Variants in FGF20 observed in about 807,000 individuals in gnomAD.
FGF20 encodes fibroblast growth factor 20.
FGF20 carries 8 observed loss-of-function variants against 16.7 expected under a neutral mutation model. The observed-to-expected ratio is 0.48, with a 90% CI of 0.28 to 0.87. The LOEUF is 0.87. Ranked by LOEUF, FGF20 falls within the 40% of genes least tolerant of loss-of-function variation. FGF20 has a pLI of 0.10. For synonymous variants in FGF20, 161 were observed against 118.6 expected (o/e 1.36, Z -2.32); for missense variants, 397 against 281.4 (o/e 1.41, Z -2.94).
intron 1 of FGF20, among the ~76,000 whole-genome samples, chr8:17,000,871 T>A (rs150343802): frequency 6.6e-6 from 1 of 152,014 alleles, no homozygotes; most frequent in East Asian, 1.9e-4. Context: ...CTGCCGGAGG[T>A]ATTCTGAAAC....
chr8:17,001,837 G>A lies in FGF20; in HGVS notation c.196C>T (p.Arg66Cys), dbSNP rs926128321. 2.7e-5 allele frequency: 41 copies of A among 1,522,050 alleles called. No individual in the cohort carries two copies. Among genetic ancestry groups the A allele is most frequent in the Non-Finnish European group, 3.3e-5 (38 of 1,138,592 alleles). 94.3% of individuals were successfully genotyped at this position (1,522,050 alleles called of 1,614,324 possible). A position where few individuals can be genotyped will look rare whatever the true frequency, so the allele number is the denominator to read the frequency against. Residue 66 changes from arginine to cysteine, a missense_variant, in exon 1 of 3, where the codon CGC becomes TGC. Coordinates refer to ENST00000180166, the MANE Select transcript of FGF20 (RefSeq NM_019851.3). Reference sequence around the variant, plus strand: ...CCGGTGCGGCAATAGAGCTGCCGGCGGCGCAGGATGCCGTGCAGGTGCGCC... The same window carrying A: ...CCGGTGCGGCAATAGAGCTGCCGGCAGCGCAGGATGCCGTGCAGGTGCGCC... ...QLAHLHGILRRRQLYCRTGFH... is the reference protein window; with the variant it reads ...QLAHLHGILRCRQLYCRTGFH...
intron 1 of FGF20, among the ~76,000 whole-genome samples, chr8:16,999,043 A>G (rs953932669): frequency 4.2e-4 from 64 of 152,326 alleles, no homozygotes; most frequent in African/African-American, 1.5e-3. Flanking sequence ...ACAGAAGCAC[A>G]TAATGTTATA....
At position 17,002,145 on chromosome 8, in the gene FGF20, G is replaced by T. The variant is rs762437466; in HGVS notation, c.-113C>A. On this transcript the variant is annotated 5_prime_UTR_variant, in exon 1 of 3. Coordinates refer to ENST00000180166, the MANE Select transcript of FGF20 (RefSeq NM_019851.3). The stretch of plus-strand genomic sequence containing the variant: ...AAACGAGCGCAAAAAGTTAAGGCCC[G>T]GTTACTCCTCTGAGGTCGCTCCGGA... The T allele has an allele frequency of 4.9e-4, 564 of 1,151,798 alleles. 2 individuals are homozygous for T. The highest frequency in any genetic ancestry group is 3.0e-4 in the Non-Finnish European group (261 of 870,918). 71.3% of individuals were successfully genotyped at this position (1,151,798 alleles called of 1,614,324 possible). A position where few individuals can be genotyped will look rare whatever the true frequency, so the allele number is the denominator to read the frequency against.
chr8:16,995,854 C>A, intron 1 of FGF20, 96 bp from the exon 2 acceptor site: 1 of 622,394 alleles, frequency 1.6e-6, no homozygotes, highest in South Asian at 2.5e-5. Context: ...GGTAGTCGGC[C>A]ATTATTGCCA....
chr8:16,998,351 T>G (rs372531684), intron 1 of FGF20, among the ~76,000 whole-genome samples: 1 of 152,240 alleles, frequency 6.6e-6, no homozygotes, highest in African/African-American at 2.4e-5. Flanking sequence ...TGTGTGTTCC[T>G]CTTAAAGATT....
intron 1 of FGF20, among the ~76,000 whole-genome samples, chr8:16,997,211 T>C (rs560166835): frequency 6.6e-6 from 1 of 152,246 alleles, no homozygotes; most frequent in South Asian, 2.1e-4. Context: ...CTGCACACAC[T>C]AAACTTTGGA....
At chr8:16,993,450 T>A in intron 2 of FGF20, 133 bp from the exon 3 acceptor site, 1 of 919,422 alleles carries the variant, frequency 1.1e-6, no homozygotes, top group Non-Finnish European at 1.6e-6. Flanking sequence ...TTTGCTTTAT[T>A]TTGTTTTAGT....
At chr8:16,995,290 A>G (rs1440120942) in intron 2 of FGF20, among the ~76,000 whole-genome samples, 1 of 152,254 alleles carries the variant, frequency 6.6e-6, no homozygotes, top group Non-Finnish European at 1.5e-5. Flanking sequence ...TAACAGGTAG[A>G]GAAAGTTTAC....
intron 1 of FGF20, 25 bp downstream of exon 1, chr8:17,001,722 G>A (rs1470103867): frequency 1.3e-6 from 2 of 1,557,356 alleles, no homozygotes; most frequent in East Asian, 5.1e-5. Flanking sequence ...GCAGATGGGG[G>A]TGGGGTCGGG....
rs373023438 is a variant in FGF20 at position 16,993,174 on chromosome 8, G to A, written c.534C>T (p.Gly178=). The A allele has an allele frequency of 1.4e-5, 23 of 1,613,884 alleles. No homozygotes were observed. The highest frequency in any genetic ancestry group is 8.9e-5 in the East Asian group (4 of 44,876). The change falls in exon 3 of 3, where the codon GGC becomes GGT. Residue 178 remains glycine (G), a synonymous_variant. Coordinates refer to ENST00000180166, the MANE Select transcript of FGF20 (RefSeq NM_019851.3). The stretch of plus-strand genomic sequence containing the variant: ...ATTTCTGATGCCTCTTGGACCTGGC[G>A]CCATCTCTTGGAGTTCCGTCTTTGT... ...ALNKDGTPRD[G]ARSKRHQKFT...
At chr8:16,995,373 G>C (rs755495554) in intron 2 of FGF20, among the ~76,000 whole-genome samples, 11 of 152,180 alleles carry the variant, frequency 7.2e-5, no homozygotes, top group Non-Finnish European at 1.2e-4. Context: ...CTCTGTCTCT[G>C]GATGGAATGA....
intron 1 of FGF20, among the ~76,000 whole-genome samples, 173 bp downstream of exon 1, chr8:17,001,574 C>T (rs1448558153): frequency 6.6e-6 from 1 of 152,310 alleles, no homozygotes; most frequent in East Asian, 1.9e-4. Flanking sequence ...CCCGCGGCTG[C>T]TCTGGCCAGC....
At chr8:16,995,589 A>G (rs542260231) in intron 2 of FGF20, 66 bp downstream of exon 2, 7 of 645,162 alleles carry the variant, frequency 1.1e-5, no homozygotes, top group East Asian at 9.0e-5. Context: ...AGACATTTTA[A>G]TTACATAATA....
chr8:16,993,245 T>C lies in FGF20; in HGVS notation c.463A>G (p.Ile155Val). ...ENWYNTYSSN[I>V]YKHGDTGRRY... ...CGGCCAGTGTCTCCATGTTTATATA[T>C]GTTAGATGAATAGGTGTTATACCAG... The change falls in exon 3 of 3, where the codon ATA becomes GTA. Residue 155 changes from isoleucine (I) to valine (V), a missense_variant. Ile to Val is a conservative substitution (Grantham distance 29, BLOSUM62 3). Coordinates refer to ENST00000180166, the MANE Select transcript of FGF20 (RefSeq NM_019851.3). 1 of 1,614,162 alleles carries C rather than the reference T, an allele frequency of 6.2e-7. No individual in the cohort carries two copies.
chr8:16,996,821 T>C (rs1162244754), intron 1 of FGF20, among the ~76,000 whole-genome samples: 3 of 152,200 alleles, frequency 2.0e-5, no homozygotes, highest in Non-Finnish European at 4.4e-5. Flanking sequence ...CTAAGGGACA[T>C]GATATTTATA....
Position 16,993,006 on chromosome 8 carries a change from A to T in FGF20, c.*66T>A. On this transcript the variant is annotated 3_prime_UTR_variant, in exon 3 of 3. Coordinates refer to ENST00000180166, the MANE Select transcript of FGF20 (RefSeq NM_019851.3). Reference sequence around the variant, plus strand: ...GAACGTCTCCTTGGGTCATTATTTTATGATGGGAACTATGACAAGAAAGAA... The same window carrying T: ...GAACGTCTCCTTGGGTCATTATTTTTTGATGGGAACTATGACAAGAAAGAA... The T allele has an allele frequency of 6.5e-7, 1 of 1,535,402 alleles. No individual in the cohort carries two copies. The highest frequency in any genetic ancestry group is 8.8e-7 in the Non-Finnish European group (1 of 1,137,030).
chr8:16,996,216 C>T (rs1430287371), intron 1 of FGF20, among the ~76,000 whole-genome samples: 1 of 152,024 alleles, frequency 6.6e-6, no homozygotes, highest in Admixed American at 6.6e-5. Flanking sequence ...CCATTTTTCT[C>T]ACCCTTCTAT....
intron 1 of FGF20, among the ~76,000 whole-genome samples, chr8:17,000,558 T>A (rs573516603): frequency 4.6e-5 from 7 of 152,144 alleles, no homozygotes; most frequent in African/African-American, 1.2e-4. Context: ...GTATCTTTTT[T>A]AAAAATAAAA....
chr8:16,995,567 G>C, intron 2 of FGF20, 88 bp downstream of exon 2: 1 of 536,984 alleles, frequency 1.9e-6, no homozygotes, highest in Non-Finnish European at 3.1e-6. Flanking sequence ...ACTTCTACCA[G>C]ACATTCTTGG....
Sources: gnomAD v4.1 joint callset for allele counts (sites outside exome capture counted in the v4.1 genomes callset) on GRCh38, gnomAD v4.1.1 for gene constraint, MANE v1.5 for transcripts, NCBI Gene and HGNC (gene_info 2026-07-23, HGNC 2026-07-21) for gene names.